The following NLRP2 variants were observed in gnomAD, a reference collection of about 807,000 sequenced individuals.
NLRP2 encodes NACHT, LRR and PYD domains-containing protein 2.
NLRP2 carries 107 observed loss-of-function variants against 97.2 expected under a neutral mutation model. That is an observed-to-expected ratio of 1.10 (90% confidence interval 0.94 to 1.29). NLRP2 has a LOEUF of 1.29. NLRP2 is among the 50% of genes most tolerant of loss of function. NLRP2 has a pLI of 0.00. For synonymous variants in NLRP2, 663 were observed against 551.5 expected (o/e 1.20, Z -2.83); for missense variants, 1,495 against 1,330.3 (o/e 1.12, Z -1.93).
chr19:54,989,967 T>C lies in NLRP2; in HGVS notation c.2367-55T>C, dbSNP rs2072348696. On this transcript the variant is annotated intron_variant, in intron 8 of 12. Transcript: ENST00000448584. ...GATTGCGCCACCTGGGCAACAAGAG[T>C]GAGACTCAGTCTCAAAAAAAAAAAA... The C allele has an allele frequency of 1.9e-6, 3 of 1,581,726 alleles. No homozygotes were observed. The Admixed American group carries it at 5.2e-5, about 27-fold the overall frequency.
intron 12 of NLRP2, among the ~76,000 whole-genome samples, chr19:54,998,845 G>C (rs11667208): frequency 4.0e-5 from 6 of 149,006 alleles, no homozygotes; most frequent in African/African-American, 1.5e-4. Context: ...CTTAACGAGC[G>C]TGCTGCCTTC....
At chr19:54,974,396 G>A in intron 2 of NLRP2, 104 bp from the exon 3 acceptor site, 2 of 858,578 alleles carry the variant, frequency 2.3e-6, no homozygotes, top group Non-Finnish European at 4.0e-6. Flanking sequence ...ATAAGAGAAA[G>A]GAACAAGTGA....
Position 54,982,145 on chromosome 19 carries a change from C to A in NLRP2, c.464-17C>A. ...TGATTGCATCCTCTCTCCCTTCCCT[C>A]CTCACCAATGATAAAGACAAAGACA... On this transcript the variant is annotated splice_polypyrimidine_tract_variant and intron_variant, in intron 5 of 12. Transcript: ENST00000448584. 6.2e-7 allele frequency: 1 copy of A among 1,613,874 alleles called. No individual in the cohort carries two copies.
chr19:54,971,995 A>ATTTTTTTTTTTTTT (rs61335843), intron 2 of NLRP2, among the ~76,000 whole-genome samples: 1 of 116,388 alleles, frequency 8.6e-6, no homozygotes. Context: ...TGCCTGGCTG[A>ATTTTTTTTTTTTTT]TTTTTTTTTT....
intron 2 of NLRP2, 23 bp from the exon 3 acceptor site, chr19:54,974,477 T>G: frequency 6.2e-7 from 1 of 1,606,152 alleles, no homozygotes; most frequent in African/African-American, 1.3e-5. Flanking sequence ...AATGCAAAAT[T>G]TTCCCCCCTT....
At chr19:54,996,276 G>A (rs894576825) in intron 11 of NLRP2, among the ~76,000 whole-genome samples, 1 of 151,952 alleles carries the variant, frequency 6.6e-6, no homozygotes, top group Non-Finnish European at 1.5e-5. Flanking sequence ...CGAGGCAGGT[G>A]GATCACCTAA....
intron 11 of NLRP2, among the ~76,000 whole-genome samples, chr19:54,995,252 G>A (rs565564535): frequency 3.5e-5 from 5 of 142,176 alleles, no homozygotes; most frequent in South Asian, 2.3e-4. Flanking sequence ...GTGTAATGGC[G>A]CGATCTCAGC....
chr19:54,991,936 T>TC (rs2146515718), intron 10 of NLRP2, among the ~76,000 whole-genome samples: 1 of 151,396 alleles, frequency 6.6e-6, no homozygotes, highest in East Asian at 1.9e-4. Flanking sequence ...TTTTTTTTTT[T>TC]TTTTTTAAGA....
At chr19:54,988,526 C>A (rs1419118500) in intron 8 of NLRP2, among the ~76,000 whole-genome samples, 1 of 152,072 alleles carries the variant, frequency 6.6e-6, no homozygotes, top group Non-Finnish European at 1.5e-5. Context: ...GTCTCAAACT[C>A]CTGACCTCGG....
chr19:54,984,505 C>T (rs1287395671), intron 6 of NLRP2, among the ~76,000 whole-genome samples: 5 of 29,048 alleles, frequency 1.7e-4, no homozygotes, highest in Non-Finnish European at 2.9e-4. Context: ...TTTTTTGAGA[C>T]GGAGTTTCAC....
chr19:54,984,074 C>G (rs1398609362), intron 6 of NLRP2, among the ~76,000 whole-genome samples: 1 of 151,970 alleles, frequency 6.6e-6, no homozygotes, highest in African/African-American at 2.4e-5. Context: ...TGGTCTTGAA[C>G]TCCGCCTGAC....
chr19:54,989,842 G>T, intron 8 of NLRP2, 180 bp from the exon 9 acceptor site: 1 of 650,278 alleles, frequency 1.5e-6, no homozygotes, highest in Admixed American at 2.5e-5. Context: ...AAATTAGCTG[G>T]GCATGTTGGT....
At chr19:54,972,385 G>A (rs1275894933) in intron 2 of NLRP2, among the ~76,000 whole-genome samples, 1 of 151,720 alleles carries the variant, frequency 6.6e-6, no homozygotes, top group Non-Finnish European at 1.5e-5. Context: ...GTTTCACTAT[G>A]TTGGCCAGGC....
chr19:54,974,269 G>T, intron 2 of NLRP2: 1 of 598,092 alleles, frequency 1.7e-6, no homozygotes, highest in East Asian at 2.9e-5. Flanking sequence ...CAGGAGAATC[G>T]CTTGAACCTG....
chr19:54,973,791 T>C, intron 2 of NLRP2: 2 of 576,802 alleles, frequency 3.5e-6, no homozygotes, highest in Middle Eastern at 5.6e-4. Flanking sequence ...AAATTTTCTT[T>C]CCATGCCAAT....
chr19:54,980,522 G>T (rs559119565), intron 4 of NLRP2, among the ~76,000 whole-genome samples: 1 of 152,170 alleles, frequency 6.6e-6, no homozygotes, highest in Non-Finnish European at 1.5e-5. Context: ...GAAGACAATC[G>T]TAGGTAAAGG....
intron 4 of NLRP2, among the ~76,000 whole-genome samples, chr19:54,978,125 C>G (rs1370991718): frequency 6.6e-6 from 1 of 152,068 alleles, no homozygotes; most frequent in Non-Finnish European, 1.5e-5. Flanking sequence ...ATGGCGCGAT[C>G]TCGGCTCACT....
chr19:54,968,701 C>CTTTTTTTTTTTTTTT (rs61212213), intron 1 of NLRP2, among the ~76,000 whole-genome samples: 12,280 of 111,922 alleles, frequency 0.11, 1,655 homozygotes, highest in Non-Finnish European at 0.14. Context: ...ATCTTTAAGC[C>CTTTTTTTTTTTTTTT]TTTTTTTTTT....
intron 3 of NLRP2, among the ~76,000 whole-genome samples, chr19:54,977,431 GAA>G (rs1246368399): frequency 6.6e-6 from 1 of 150,492 alleles, no homozygotes; most frequent in African/African-American, 2.4e-5. Context: ...CAAAAAAAAA[GAA>G]AAACTAGGCA....
Sources: gnomAD v4.1 joint callset for allele counts (sites outside exome capture counted in the v4.1 genomes callset) on GRCh38, gnomAD v4.1.1 for gene constraint, MANE v1.5 for transcripts, NCBI Gene and HGNC (gene_info 2026-07-23, HGNC 2026-07-21) for gene names.